The following ARHGAP6 variants were observed in gnomAD, a reference collection of about 807,000 sequenced individuals.
The protein encoded by ARHGAP6 is rho GTPase-activating protein 6.
ARHGAP6 carries 16 observed loss-of-function variants against 55.7 expected under a neutral mutation model. The observed-to-expected ratio is 0.29, with a 90% confidence interval of 0.19 to 0.44. The LOEUF is 0.44. Ranked by LOEUF, ARHGAP6 falls within the 20% of genes least tolerant of loss-of-function variation. The pLI, the probability that ARHGAP6 is intolerant of heterozygous loss-of-function variation, is 1.00. For missense variants in ARHGAP6, 698 were observed against 808.9 expected (o/e 0.86, Z 1.66); for synonymous variants, 382 against 360.9 (o/e 1.06, Z -0.66).
At chrX:11,659,385 C>T (rs1656500166) in intron 1 of ARHGAP6, among the ~76,000 whole-genome samples, 1 of 110,967 alleles carries the variant, frequency 9.0e-6, no homozygotes, top group African/African-American at 3.3e-5. Flanking sequence ...TCTCAGTCTC[C>T]ACACTCCTAA....
At chrX:11,174,631 C>CTTTCTTTCTCTTTCT (rs2046167551) in intron 8 of ARHGAP6, among the ~76,000 whole-genome samples, 7 of 27,080 alleles carry the variant, frequency 2.6e-4, no homozygotes, top group South Asian at 2.2e-3. Context: ...TCTTTTCTTT[C>CTTTCTTTCTCTTTCT]TTTCTTTCTT....
chrX:11,157,150 A>C (rs2045875023), intron 9 of ARHGAP6, among the ~76,000 whole-genome samples: 1 of 111,951 alleles, frequency 8.9e-6, no homozygotes, highest in South Asian at 3.8e-4. Context: ...GACCCTTGAC[A>C]ACGTACATCG....
At chrX:11,307,493 T>A (rs1237818161) in intron 1 of ARHGAP6, among the ~76,000 whole-genome samples, 1 of 111,987 alleles carries the variant, frequency 8.9e-6, no homozygotes, top group Admixed American at 9.4e-5. Flanking sequence ...GGGAAGGAAA[T>A]GTTTGCAAAT....
chrX:11,425,181 G>A (rs2049865922), intron 1 of ARHGAP6, among the ~76,000 whole-genome samples: 1 of 111,694 alleles, frequency 9.0e-6, no homozygotes, highest in Non-Finnish European at 1.9e-5. Flanking sequence ...TTCAGAGGAG[G>A]CAGGAGGTAT....
intron 1 of ARHGAP6, among the ~76,000 whole-genome samples, chrX:11,603,725 A>T (rs753661715): frequency 8.9e-6 from 1 of 112,338 alleles, no homozygotes; most frequent in South Asian, 3.7e-4. Context: ...AGAAAACAGG[A>T]TTGTGTGTAG....
intron 1 of ARHGAP6, among the ~76,000 whole-genome samples, chrX:11,267,370 C>G (rs2047640833): frequency 9.0e-6 from 1 of 111,580 alleles, no homozygotes; most frequent in African/African-American, 3.3e-5. Flanking sequence ...TAATTCTTAG[C>G]AGTAGGTTAC....
chrX:11,246,545 A>G (rs1440647186), intron 2 of ARHGAP6, among the ~76,000 whole-genome samples: 1 of 111,970 alleles, frequency 8.9e-6, no homozygotes, highest in Non-Finnish European at 1.9e-5. Context: ...GCTGAGGGCC[A>G]CTTGTGTATT....
intron 1 of ARHGAP6, among the ~76,000 whole-genome samples, chrX:11,523,820 T>C (rs1455510402): frequency 9.0e-6 from 1 of 111,156 alleles, no homozygotes; most frequent in Non-Finnish European, 1.9e-5. Context: ...TTGGGTTCAA[T>C]AGTAGAAACA....
intron 1 of ARHGAP6, among the ~76,000 whole-genome samples, chrX:11,380,817 T>C (rs1267965317): frequency 1.8e-5 from 2 of 112,323 alleles, no homozygotes; most frequent in Admixed American, 9.4e-5. Flanking sequence ...CCTTGGCCTC[T>C]ACCGACTAGT....
At chrX:11,253,377 C>T (rs909066038) in intron 2 of ARHGAP6, among the ~76,000 whole-genome samples, 1 of 110,865 alleles carries the variant, frequency 9.0e-6, no homozygotes, top group Admixed American at 9.6e-5. Context: ...AGCATCCCCT[C>T]GACCTCCTCC....
chrX:11,402,411 C>G (rs923675462), intron 1 of ARHGAP6, among the ~76,000 whole-genome samples: 1 of 110,903 alleles, frequency 9.0e-6, no homozygotes, highest in Non-Finnish European at 1.9e-5. Flanking sequence ...ACTTTATATA[C>G]TAGATTAATT....
intron 1 of ARHGAP6, among the ~76,000 whole-genome samples, chrX:11,611,952 A>T (rs5979433): frequency 9.1e-6 from 1 of 109,925 alleles, no homozygotes; most frequent in Non-Finnish European, 1.9e-5. Flanking sequence ...AAAGAATTTA[A>T]CCTCTTTTTA....
At chrX:11,140,928 T>C (rs1441140021) in intron 12 of ARHGAP6, among the ~76,000 whole-genome samples, 2 of 111,802 alleles carry the variant, frequency 1.8e-5, no homozygotes, top group Non-Finnish European at 3.8e-5. Context: ...AACAAGGCCA[T>C]GTTGGGGACA....
intron 1 of ARHGAP6, among the ~76,000 whole-genome samples, chrX:11,605,311 C>T (rs920996725): frequency 9.0e-6 from 1 of 111,554 alleles, no homozygotes; most frequent in African/African-American, 3.3e-5. Context: ...CTCTTCCTCA[C>T]TTCTACATGG....
chrX:11,564,151 T>C (rs1476607155), intron 1 of ARHGAP6, among the ~76,000 whole-genome samples: 1 of 111,977 alleles, frequency 8.9e-6, no homozygotes, highest in Non-Finnish European at 1.9e-5. Context: ...AGATTTCCAA[T>C]ATATACAGGT....
chrX:11,483,681 C>G (rs752545125), intron 1 of ARHGAP6, among the ~76,000 whole-genome samples: 27 of 110,449 alleles, frequency 2.4e-4, no homozygotes, highest in African/African-American at 8.9e-4. Flanking sequence ...TAAGCCACTG[C>G]TGATTACTCT....
chrX:11,520,848 G>A (rs750150884), intron 1 of ARHGAP6, among the ~76,000 whole-genome samples: 123 of 111,539 alleles, frequency 1.1e-3, no homozygotes, highest in Non-Finnish European at 1.8e-3. Flanking sequence ...TTGAATGATC[G>A]CCATTCTAAC....
At chrX:11,422,537 A>T (rs1042927421) in intron 1 of ARHGAP6, among the ~76,000 whole-genome samples, 1 of 112,080 alleles carries the variant, frequency 8.9e-6, no homozygotes, top group Non-Finnish European at 1.9e-5. Context: ...ATTACCTTTT[A>T]AAAAGATTGC....
chrX:11,520,142 T>C (rs866690029), intron 1 of ARHGAP6, among the ~76,000 whole-genome samples: 19 of 55,455 alleles, frequency 3.4e-4, no homozygotes, highest in Non-Finnish European at 5.3e-4. Flanking sequence ...TATATATATA[T>C]ATATATATAT....
Sources: allele counts gnomAD v4.1 joint callset (sites outside exome capture counted in the v4.1 genomes callset), GRCh38; gene constraint gnomAD v4.1.1; transcripts MANE v1.5; gene names NCBI Gene and HGNC (gene_info 2026-07-23, HGNC 2026-07-21).